Variants in PYGB observed in about 807,000 individuals in gnomAD.
PYGB encodes glycogen phosphorylase B.
In PYGB, 82 loss-of-function variants were observed where a neutral mutation model predicts 94.3. The observed-to-expected ratio is 0.87, with a 90% CI of 0.73 to 1.04. The LOEUF (loss-of-function observed/expected upper bound fraction) is 1.04, where lower values mean the gene tolerates loss of function less well. PYGB is among the 50% of genes least tolerant of loss of function. The pLI is 0.00. For synonymous variants in PYGB, 488 were observed against 479.1 expected (o/e 1.02, Z -0.24); for missense variants, 1,132 against 1,158.2 (o/e 0.98, Z 0.33).
chr20:25,249,828 G>T (rs1250701620), intron 1 of PYGB, among the ~76,000 whole-genome samples: 1 of 151,580 alleles, frequency 6.6e-6, no homozygotes, highest in Non-Finnish European at 1.5e-5. Context: ...CTGCTGTTGG[G>T]AGAGTTCTGA....
At chr20:25,254,084 A>C (rs2092896221) in intron 1 of PYGB, among the ~76,000 whole-genome samples, 1 of 152,020 alleles carries the variant, frequency 6.6e-6, no homozygotes, top group Non-Finnish European at 1.5e-5. Context: ...AAAAAAAAAA[A>C]AAAACTGAGT....
intron 8 of PYGB, 74 bp from the exon 9 acceptor site, chr20:25,278,975 CTTGGGGAG>C: frequency 7.2e-7 from 1 of 1,390,404 alleles, no homozygotes; most frequent in Non-Finnish European, 9.9e-7. Flanking sequence ...GGCTCCTTCA[CTTGGGGAG>C]CTTCGTATGC....
At chr20:25,273,239 G>A (rs575529995) in intron 4 of PYGB, among the ~76,000 whole-genome samples, 5 of 152,228 alleles carry the variant, frequency 3.3e-5, no homozygotes, top group Non-Finnish European at 5.9e-5. Flanking sequence ...TGCTTCTGCC[G>A]ACGACTCCTG....
intron 2 of PYGB, among the ~76,000 whole-genome samples, chr20:25,262,600 A>G (rs1271162399): frequency 6.6e-6 from 1 of 152,148 alleles, no homozygotes; most frequent in Non-Finnish European, 1.5e-5. Flanking sequence ...TAACATCATA[A>G]TGACAGGATC....
chr20:25,277,179 C>T, intron 6 of PYGB, 65 bp from the exon 7 acceptor site: 1 of 1,328,550 alleles, frequency 7.5e-7, no homozygotes, highest in Non-Finnish European at 1.1e-6. Context: ...AAGTAGGCCC[C>T]TGAGCGGTTG....
In PYGB at chr20:25,274,734, T is replaced by C. The variant is rs1264919481; in HGVS notation, c.660+11T>C. ...TGGCTGGACACACAGGTACCTGGGC[T>C]GAAATGTCTGCGGGCAAGGCTGGAG... On this transcript the variant is annotated intron_variant, in intron 5 of 19. Transcript: ENST00000216962. 6.2e-7 allele frequency: 1 copy of C among 1,610,472 alleles called. No homozygotes were observed. Among genetic ancestry groups the C allele is most frequent in the Non-Finnish European group, 8.5e-7 (1 of 1,179,138 alleles).
chr20:25,292,473 CA>C lies in PYGB; in HGVS notation c.2038del (p.Met680Ter). The C allele has an allele frequency of 6.2e-7, 1 of 1,613,680 alleles. No individual in the cohort carries two copies. The highest frequency in any genetic ancestry group is 2.2e-5 in the East Asian group (1 of 44,876). ...GCACCGAGGCCTCAGGCACAGGCAA[CA>C]TGAAGTTCATGCTCAACGGGGCCCT... The part of the protein sequence containing the change: ...AGTEASGTGN[M>X]KFMLNGALTI... On this transcript the variant is annotated frameshift_variant, in exon 17 of 20. Transcript: ENST00000216962. LOFTEE classifies it high-confidence loss of function.
intron 12 of PYGB, among the ~76,000 whole-genome samples, chr20:25,282,821 T>G (rs2257649): frequency 0.57 from 87,017 of 152,072 alleles, 26,408 homozygotes; most frequent in East Asian, 0.98. Flanking sequence ...ACCGCCTGCT[T>G]CAGGCAGGGA....
chr20:25,261,892 C>G (rs1227583237), intron 2 of PYGB, among the ~76,000 whole-genome samples: 1 of 152,086 alleles, frequency 6.6e-6, no homozygotes, highest in Non-Finnish European at 1.5e-5. Flanking sequence ...GATTGAAGAT[C>G]AAATGAATGA....
In PYGB at chr20:25,271,286, C is replaced by G. The variant is rs2088264672; in HGVS notation, c.425-97C>G. 5.5e-6 allele frequency: 6 copies of G among 1,100,304 alleles called. No individual in the cohort carries two copies. In the South Asian group the frequency reaches 7.6e-5, roughly 14 times the overall value. 68.2% of individuals were successfully genotyped at this position (1,100,304 alleles called of 1,614,324 possible). A position where few individuals can be genotyped will look rare whatever the true frequency, so the allele number is the denominator to read the frequency against. On this transcript the variant is annotated intron_variant, in intron 3 of 19. Coordinates refer to ENST00000216962, the MANE Select transcript of PYGB (RefSeq NM_002862.4). ...AGTGAAGCCTGAAGTCAGTGTGATC[C>G]CCTCTGAATTTCTGCCTTGCGCCCT...
In PYGB at chr20:25,292,393, C is replaced by T; in HGVS notation, c.1970-13C>T. The T allele has an allele frequency of 3.7e-6, 6 of 1,610,320 alleles. No individual in the cohort carries two copies. Among genetic ancestry groups the T allele is most frequent in the Non-Finnish European group, 4.2e-6 (5 of 1,179,694 alleles). On this transcript the variant is annotated splice_polypyrimidine_tract_variant and intron_variant, in intron 16 of 19. Transcript: ENST00000216962. ...TCCTCACAGTGATCCCCTCCACGGG[C>T]TCCCCTCCACAGTGATCCCGGCCGC...
chr20:25,263,949 G>C (rs1035811540), intron 2 of PYGB, among the ~76,000 whole-genome samples: 1 of 152,190 alleles, frequency 6.6e-6, no homozygotes, highest in Non-Finnish European at 1.5e-5. Flanking sequence ...GCATCATCCT[G>C]ATACCAAAGC....
chr20:25,288,765 T>C (rs948201850), intron 15 of PYGB, among the ~76,000 whole-genome samples: 23 of 152,112 alleles, frequency 1.5e-4, no homozygotes, highest in Non-Finnish European at 2.8e-4. Context: ...GTGTCCTTTC[T>C]CTTTGTGCCC....
chr20:25,297,071 C>T lies in PYGB; in HGVS notation c.*549C>T. The T allele has an allele frequency of 6.2e-6, 1 of 160,564 alleles. No individual in the cohort carries two copies. The highest frequency in any genetic ancestry group is 1.4e-5 in the Non-Finnish European group (1 of 72,780). The allele number at this position is 160,564 out of a possible 1,614,324, so 9.9% of individuals were successfully genotyped here. A position where few individuals can be genotyped will look rare whatever the true frequency, so the allele number is the denominator to read the frequency against. On this transcript the variant is annotated 3_prime_UTR_variant, in exon 20 of 20. Transcript: ENST00000216962. ...TAGGCATCGCCTTCACAGCCCCCTGCCCCCTGCCCTCTGTCCTGGCTCTGC... is the reference window on the plus strand; with the variant it reads ...TAGGCATCGCCTTCACAGCCCCCTGTCCCCTGCCCTCTGTCCTGGCTCTGC...
In PYGB at chr20:25,271,384, G is replaced by T. The variant is rs776238656; in HGVS notation, c.426G>T (p.Ala142=). Reference sequence around the variant, plus strand: ...CTGATTTGTGATTGATTTTTTCAGCGTGTTTCCTTGACTCAATGGCTACCT... The same window carrying T: ...CTGATTTGTGATTGATTTTTTCAGCTTGTTTCCTTGACTCAATGGCTACCT... ...LGNGGLGRLA[A]CFLDSMATLG... is the part of the protein sequence containing the mutation. Residue 142 remains alanine (A), a splice_region_variant and synonymous_variant, in exon 4 of 20, where the codon GCG becomes GCT. Coordinates refer to ENST00000216962, the MANE Select transcript of PYGB (RefSeq NM_002862.4). The T allele has an allele frequency of 2.5e-6, 4 of 1,613,768 alleles. No individual in the cohort carries two copies. Among genetic ancestry groups the T allele is most frequent in the Admixed American group, 3.3e-5 (2 of 59,992 alleles).
chr20:25,294,791 G>A, intron 18 of PYGB: 1 of 706,932 alleles, frequency 1.4e-6, no homozygotes, highest in Non-Finnish European at 2.6e-6. Context: ...TTAGCACATG[G>A]TATGGTTTAT....
At position 25,278,350 on chromosome 20, in the gene PYGB, A is replaced by C. The variant is rs1388197896; in HGVS notation, c.887A>C (p.Gln296Pro). The change falls in exon 8 of 20, where the codon CAG becomes CCG. Residue 296 changes from glutamine (Q) to proline (P), a missense_variant. By Grantham distance (76) the Gln-to-Pro change is moderately conservative (BLOSUM62 -1). Coordinates refer to ENST00000216962, the MANE Select transcript of PYGB (RefSeq NM_002862.4). Reference protein sequence around the residue: ...FFEGKELRLKQEYFVVAATLQ... With the variant: ...FFEGKELRLKPEYFVVAATLQ... ...GAGGGGAAGGAGCTGCGGCTGAAGC[A>C]GGAGTACTTCGTGGTGGCCGCCACG... 6.2e-7 allele frequency: 1 copy of C among 1,610,662 alleles called. No individual in the cohort carries two copies. The highest frequency in any genetic ancestry group is 1.7e-5 in the Admixed American group (1 of 59,772).
At chr20:25,265,300 C>T (rs2088206924) in intron 2 of PYGB, among the ~76,000 whole-genome samples, 2 of 151,962 alleles carry the variant, frequency 1.3e-5, no homozygotes, top group Non-Finnish European at 2.9e-5. Context: ...TTTTTTGGAA[C>T]CACCAAAATG....
At chr20:25,249,850 A>T (rs948122234) in intron 1 of PYGB, among the ~76,000 whole-genome samples, 8 of 144,300 alleles carry the variant, frequency 5.5e-5, no homozygotes, top group Non-Finnish European at 3.0e-5. Flanking sequence ...GCACAGCACC[A>T]TTTTTTTTTT....
Sources: allele counts gnomAD v4.1 joint callset (sites outside exome capture counted in the v4.1 genomes callset), GRCh38; gene constraint gnomAD v4.1.1; transcripts MANE v1.5; gene names NCBI Gene and HGNC (gene_info 2026-07-23, HGNC 2026-07-21).